PCDH15: variants seen among roughly 807,000 people sequenced by gnomAD.
PCDH15 encodes the protein protocadherin-15.
PCDH15 carries 129 observed loss-of-function variants against 178.5 expected under a neutral mutation model. That is an observed-to-expected ratio of 0.72 (90% confidence interval 0.63 to 0.84). PCDH15 has a LOEUF of 0.84. PCDH15 is among the 40% of genes least tolerant of loss of function. The pLI is 0.00. For synonymous variants in PCDH15, 800 were observed against 732.0 expected (o/e 1.09, Z -1.50); for missense variants, 2,230 against 2,099.9 (o/e 1.06, Z -1.21).
At chr10:55,202,438 C>T (rs1332733341) in intron 1 of PCDH15, among the ~76,000 whole-genome samples, 2 of 152,080 alleles carry the variant, frequency 1.3e-5, no homozygotes, top group Non-Finnish European at 1.5e-5. Flanking sequence ...ATATAGTGCT[C>T]CAGTTACAAG....
chr10:55,095,350 T>TA (rs1842423642), intron 2 of PCDH15, among the ~76,000 whole-genome samples: 1 of 152,002 alleles, frequency 6.6e-6, no homozygotes, highest in Admixed American at 6.6e-5. Flanking sequence ...AAGTGTTAAA[T>TA]ATATTAATTT....
At position 54,622,607 on chromosome 10, in the gene PCDH15, TA is replaced by T. The variant is rs1333525689; in HGVS notation, c.91+41564del. Reference sequence around the variant, plus strand: ...TAATATATATAATATATAATATATATAATTATATATAATATATATAATATAT... The same window carrying T: ...TAATATATATAATATATAATATATATATTATATATAATATATATAATATAT... On this transcript the variant is annotated intron_variant, in intron 2 of 37. Transcript: ENST00000644397. Among the ~76,000 whole-genome samples the T allele has an allele frequency of 7.5e-4, 31 of 41,222 alleles. 1 individual carries two copies. The highest frequency in any genetic ancestry group is 2.5e-3 in the African/African-American group (24 of 9,702). 27.0% of individuals were successfully genotyped at this position (41,222 alleles called of 152,430 possible). A position where few individuals can be genotyped will look rare whatever the true frequency, so the allele number is the denominator to read the frequency against.
At chr10:54,565,163 C>A (rs1459266772) in intron 2 of PCDH15, among the ~76,000 whole-genome samples, 1 of 152,152 alleles carries the variant, frequency 6.6e-6, no homozygotes, top group Non-Finnish European at 1.5e-5. Context: ...CATGTTCCTA[C>A]AAGGAGAAAA....
At chr10:55,331,352 G>A (rs1052873723) in intron 2 of PCDH15, among the ~76,000 whole-genome samples, 5 of 151,740 alleles carry the variant, frequency 3.3e-5, no homozygotes, top group Admixed American at 6.6e-5. Flanking sequence ...ATATACTTTG[G>A]ATCAACTTTT....
intron 8 of PCDH15, among the ~76,000 whole-genome samples, chr10:54,300,086 C>A (rs778561448): frequency 6.6e-6 from 1 of 152,206 alleles, no homozygotes; most frequent in Non-Finnish European, 1.5e-5. Flanking sequence ...AGCAGAGACT[C>A]TCCTAAACTG....
intron 2 of PCDH15, among the ~76,000 whole-genome samples, chr10:55,063,747 A>G (rs1398244353): frequency 6.6e-6 from 1 of 152,170 alleles, no homozygotes; most frequent in South Asian, 2.1e-4. Context: ...TTATGATATT[A>G]CAAGTCAAGC....
chr10:55,012,861 T>C (rs1439420337), intron 2 of PCDH15, among the ~76,000 whole-genome samples: 1 of 152,126 alleles, frequency 6.6e-6, no homozygotes, highest in Admixed American at 6.6e-5. Context: ...ATGGGTGTCT[T>C]TTCAATATAT....
chr10:53,835,859 C>A (rs566249274), intron 29 of PCDH15, among the ~76,000 whole-genome samples: 5 of 152,136 alleles, frequency 3.3e-5, no homozygotes, highest in African/African-American at 7.2e-5. Flanking sequence ...AACTTCTTTG[C>A]GTAGATTTCT....
chr10:55,075,366 A>ATTTTTTT (rs34779284), intron 2 of PCDH15, among the ~76,000 whole-genome samples: 1 of 132,328 alleles, frequency 7.6e-6, no homozygotes, highest in African/African-American at 2.8e-5. Context: ...TTTTGTTTAA[A>ATTTTTTT]TTTTTTTTTT....
chr10:54,832,086 A>C (rs767201281), intron 3 of PCDH15, among the ~76,000 whole-genome samples: 1 of 152,012 alleles, frequency 6.6e-6, no homozygotes, highest in East Asian at 1.9e-4. Context: ...AAGTATCTAC[A>C]TTTCTAAAGG....
At position 53,827,432 on chromosome 10, in the gene PCDH15, G is replaced by A. The variant is rs767761740; in HGVS notation, c.4328C>T (p.Pro1443Leu). 3 of 1,613,160 alleles carry A rather than the reference G, an allele frequency of 1.9e-6. No homozygotes were observed. Among genetic ancestry groups the A allele is most frequent in the South Asian group, 2.2e-5 (2 of 90,992 alleles). Residue 1443 changes from proline (P) to leucine (L), a missense_variant, in exon 32 of 38, where the codon CCA (proline) becomes CTA (leucine). By Grantham distance (98) the Pro-to-Leu change is moderately conservative (BLOSUM62 -3). Coordinates refer to ENST00000644397, the MANE Select transcript of PCDH15 (RefSeq NM_001384140.1). The stretch of plus-strand genomic sequence containing the variant: ...AAGTTCTTCATAGAGATGCGCACCT[G>A]GCGGAGGCGGCGGCGGCGGCGGGGG... ...AAPPPPPPPP[P>L]GAHLYEELGD...
At chr10:54,788,998 T>G (rs1951146958) in intron 1 of PCDH15, among the ~76,000 whole-genome samples, 2 of 151,834 alleles carry the variant, frequency 1.3e-5, no homozygotes, top group South Asian at 4.1e-4. Flanking sequence ...ATATTCCCCA[T>G]GAGAATAATA....
chr10:54,828,381 G>T (rs1272282342), intron 3 of PCDH15, among the ~76,000 whole-genome samples: 2 of 151,890 alleles, frequency 1.3e-5, no homozygotes, highest in African/African-American at 4.8e-5. Context: ...CTTTTTTATT[G>T]TAATTCAATT....
intron 2 of PCDH15, among the ~76,000 whole-genome samples, chr10:54,987,579 C>T (rs769634689): frequency 2.6e-4 from 40 of 152,182 alleles, no homozygotes; most frequent in Middle Eastern, 3.4e-3. Context: ...GTGATGGTAT[C>T]TCATTGTGGT....
chr10:54,521,996 G>A (rs1431433208), intron 3 of PCDH15, among the ~76,000 whole-genome samples: 1 of 148,852 alleles, frequency 6.7e-6, no homozygotes, highest in African/African-American at 2.5e-5. Context: ...GCTGAGGCAG[G>A]AGAATGGCGT....
chr10:54,834,150 C>G (rs1953272570), intron 3 of PCDH15, among the ~76,000 whole-genome samples: 1 of 151,792 alleles, frequency 6.6e-6, no homozygotes, highest in Non-Finnish European at 1.5e-5. Context: ...ACATTGCCTA[C>G]TACCTATCAA....
chr10:54,752,052 A>C (rs1038795801), intron 1 of PCDH15, among the ~76,000 whole-genome samples: 1 of 152,196 alleles, frequency 6.6e-6, no homozygotes, highest in African/African-American at 2.4e-5. Flanking sequence ...TTCCAGATAA[A>C]TGGATATTAA....
chr10:53,878,126 T>C (rs990499128), intron 26 of PCDH15, among the ~76,000 whole-genome samples: 4 of 149,346 alleles, frequency 2.7e-5, no homozygotes, highest in Non-Finnish European at 5.9e-5. Context: ...CTACCTTAAA[T>C]GAAATGTCTT....
intron 18 of PCDH15, among the ~76,000 whole-genome samples, chr10:54,024,608 C>G (rs2093027256): frequency 6.6e-6 from 1 of 152,110 alleles, no homozygotes; most frequent in Non-Finnish European, 1.5e-5. Context: ...GTCTCTTTGA[C>G]TCATCAAAAC....
Sources: gnomAD v4.1 joint callset for allele counts (sites outside exome capture counted in the v4.1 genomes callset) on GRCh38, gnomAD v4.1.1 for gene constraint, MANE v1.5 for transcripts, NCBI Gene and HGNC (gene_info 2026-07-23, HGNC 2026-07-21) for gene names.